Variants in TBC1D16 observed in about 807,000 individuals in gnomAD.
The protein encoded by TBC1D16 is TBC1 domain family member 16.
A neutral mutation model predicts 74.7 loss-of-function variants in TBC1D16; 58 were observed. That is an observed-to-expected ratio of 0.78 (90% CI 0.63 to 0.97). The LOEUF (loss-of-function observed/expected upper bound fraction) is 0.97. Among genes scored for constraint, TBC1D16 ranks in the 50% least tolerant of loss-of-function variants. The pLI is 0.00. For missense variants in TBC1D16, 1,014 were observed against 1,079.5 expected, an observed-to-expected ratio of 0.94 and a Z score of 0.85; for synonymous variants, 493 against 474.7, an observed-to-expected ratio of 1.04 and a Z score of -0.50.
In TBC1D16 at chr17:79,936,885, T is replaced by TGC. The variant is rs1402361675; in HGVS notation, c.*3972_*3973dup. The stretch of plus-strand genomic sequence containing the variant: ...CCCTGCACATATGTGTGTGTGTGTG[T>TGC]GCATGCGTGCGTGTGTGCATGTGCG... On this transcript the variant is annotated 3_prime_UTR_variant, in exon 12 of 12. Transcript: ENST00000310924. The TGC allele has an allele frequency of 6.7e-6, 1 of 148,742 alleles. No individual in the cohort carries two copies. The highest frequency in any genetic ancestry group is 6.8e-5 in the Admixed American group (1 of 14,744). The allele number at this position is 148,742 out of a possible 1,614,324, so 9.2% of individuals were successfully genotyped here. A position where few individuals can be genotyped will look rare whatever the true frequency, so the allele number is the denominator to read the frequency against.
At chr17:79,960,809 A>AAAAAAAAAAAAAAAAAAAC (rs2033576160) in intron 3 of TBC1D16, among the ~76,000 whole-genome samples, 1 of 136,146 alleles carries the variant, frequency 7.3e-6, no homozygotes, top group Non-Finnish European at 1.6e-5. Flanking sequence ...AAAAAAAAAA[A>AAAAAAAAAAAAAAAAAAAC]CGAAGGAATG....
At chr17:79,943,882 G>T in intron 10 of TBC1D16, 2 of 1,406,696 alleles carry the variant, frequency 1.4e-6, no homozygotes, top group East Asian at 5.2e-5. Flanking sequence ...AATGAGGCAC[G>T]ATTTTTTTTA....
chr17:79,952,597 G>A (rs530716734), intron 4 of TBC1D16, 60 bp downstream of exon 4: 117 of 1,537,568 alleles, frequency 7.6e-5, no homozygotes, highest in Non-Finnish European at 1.0e-4. Context: ...GCAAAGCCCA[G>A]GCTGCCAGGG....
chr17:79,976,536 A>G (rs2034338305), intron 3 of TBC1D16, among the ~76,000 whole-genome samples: 1 of 152,192 alleles, frequency 6.6e-6, no homozygotes, highest in Admixed American at 6.5e-5. Flanking sequence ...ATCCTTCCCA[A>G]CAAAGATGAG....
intron 2 of TBC1D16, among the ~76,000 whole-genome samples, chr17:80,011,950 T>G (rs527875168): frequency 6.6e-6 from 1 of 152,290 alleles, no homozygotes; most frequent in African/African-American, 2.4e-5. Context: ...AGATGAGCAT[T>G]GATGTCACAC....
rs2034291167 is a variant in TBC1D16, at chr17:79,975,391, G to A, written c.780-22573C>T. Among the ~76,000 whole-genome samples, 1 of 152,182 alleles carries A rather than the reference G, an allele frequency of 6.6e-6. No individual in the cohort carries two copies. The highest frequency in any genetic ancestry group is 2.4e-5 in the African/African-American group (1 of 41,448). On this transcript the variant is annotated intron_variant, in intron 3 of 11. Coordinates refer to ENST00000310924, the MANE Select transcript of TBC1D16 (RefSeq NM_019020.4). This position sits in a 1 kb window ranked among gnomAD's most constrained non-coding sequence, Gnocchi z 4.5. ...ACCCTTGGCCCCAGCTGGCTGTGAGGTTTCCTGGGAACCCTTGCCTCCTAC... is the reference window on the plus strand; with the variant it reads ...ACCCTTGGCCCCAGCTGGCTGTGAGATTTCCTGGGAACCCTTGCCTCCTAC...
At chr17:79,942,033 T>TG (rs1568565630) in intron 11 of TBC1D16, 27 bp downstream of exon 11, 2 of 836,858 alleles carry the variant, frequency 2.4e-6, no homozygotes, top group African/African-American at 7.6e-5. Context: ...CGGGGCGGGG[T>TG]GGGGCCCACA....
chr17:80,029,885 A>C (rs905418324), intron 1 of TBC1D16, among the ~76,000 whole-genome samples: 2 of 152,068 alleles, frequency 1.3e-5, no homozygotes, highest in African/African-American at 2.4e-5. Context: ...GGAGGCTCTA[A>C]GGGAGAGTCT....
intron 1 of TBC1D16, among the ~76,000 whole-genome samples, chr17:80,033,506 G>A (rs1203894508): frequency 6.6e-6 from 1 of 152,020 alleles, no homozygotes; most frequent in Non-Finnish European, 1.5e-5. Context: ...CCAAATAGCT[G>A]GGACCATAGG....
intron 3 of TBC1D16, among the ~76,000 whole-genome samples, chr17:79,977,337 G>A (rs969133180): frequency 6.6e-6 from 1 of 152,214 alleles, no homozygotes; most frequent in African/African-American, 2.4e-5. Flanking sequence ...ATGGGAAGGG[G>A]TCCGTGTGGA....
intron 4 of TBC1D16, chr17:79,952,142 C>T (rs1379915171): frequency 1.9e-5 from 3 of 155,264 alleles, no homozygotes; most frequent in East Asian, 3.8e-4. Flanking sequence ...GACACGCCGG[C>T]TTCTTCTAAG....
chr17:80,023,399 C>T (rs949348548), intron 1 of TBC1D16, among the ~76,000 whole-genome samples: 3 of 149,926 alleles, frequency 2.0e-5, no homozygotes, highest in African/African-American at 2.5e-5. Context: ...GCCCTCCTTC[C>T]GCCCCGCAGT....
At chr17:79,955,316 G>C (rs982723697) in intron 3 of TBC1D16, among the ~76,000 whole-genome samples, 3 of 152,112 alleles carry the variant, frequency 2.0e-5, no homozygotes, top group Admixed American at 2.0e-4. Context: ...GGTGCCCCTC[G>C]AGGCCGGCTG....
At chr17:79,948,308 G>GGAGAC (rs2032736772) in intron 8 of TBC1D16, among the ~76,000 whole-genome samples, 20 of 61,998 alleles carry the variant, frequency 3.2e-4, no homozygotes, top group Non-Finnish European at 3.1e-5. Context: ...GCGAGACTCC[G>GGAGAC]TCTCAAAAAA....
chr17:80,030,656 C>T (rs2036744103), intron 1 of TBC1D16, among the ~76,000 whole-genome samples: 1 of 152,232 alleles, frequency 6.6e-6, no homozygotes, highest in Non-Finnish European at 1.5e-5. Flanking sequence ...GGGTTAGGGG[C>T]CAGGATGCAG....
At chr17:80,014,396 T>A (rs1368058835) in intron 1 of TBC1D16, among the ~76,000 whole-genome samples, 1 of 151,826 alleles carries the variant, frequency 6.6e-6, no homozygotes, top group Non-Finnish European at 1.5e-5. Context: ...ACTAAAGGAT[T>A]AGTATACAGA....
chr17:79,956,368 C>T lies in TBC1D16; in HGVS notation c.780-3550G>A, dbSNP rs971320695. Among the ~76,000 whole-genome samples the T allele has an allele frequency of 5.9e-5, 9 of 152,244 alleles. No homozygotes were observed. Among genetic ancestry groups the T allele is most frequent in the African/African-American group, 1.9e-4 (8 of 41,466 alleles). On this transcript the variant is annotated intron_variant, in intron 3 of 11. Coordinates refer to ENST00000310924, the MANE Select transcript of TBC1D16 (RefSeq NM_019020.4). The surrounding 1 kb of genome is among the most constrained non-coding windows in gnomAD (Gnocchi z 4.0). ...TCCGGGGCTCAAGCGATCCTCCAGC[C>T]TCAGTCTCCCAAGTAGCTGGGACTA...
chr17:79,960,807 A>AAAAAAAAAAAG (rs2033574287), intron 3 of TBC1D16, among the ~76,000 whole-genome samples: 1 of 141,622 alleles, frequency 7.1e-6, no homozygotes, highest in Non-Finnish European at 1.5e-5. Flanking sequence ...AAAAAAAAAA[A>AAAAAAAAAAAG]AACGAAGGAA....
chr17:80,033,100 G>C (rs1015251067), intron 1 of TBC1D16, among the ~76,000 whole-genome samples: 1 of 152,194 alleles, frequency 6.6e-6, no homozygotes, highest in Non-Finnish European at 1.5e-5. Context: ...AGGAGTCAAA[G>C]CACAAAAACA....
Sources: allele counts gnomAD v4.1 joint callset (sites outside exome capture counted in the v4.1 genomes callset), GRCh38; gene constraint gnomAD v4.1.1; non-coding constraint Gnocchi (gnomAD v3.1); transcripts MANE v1.5; gene names NCBI Gene and HGNC (gene_info 2026-07-23, HGNC 2026-07-21).